Variants in RIMS2 observed in about 807,000 individuals in gnomAD.
RIMS2 encodes the protein regulating synaptic membrane exocytosis 2.
In RIMS2, 59 loss-of-function variants were observed where a neutral mutation model predicts 174.4. The ratio of observed to expected loss-of-function variants is 0.34; its 90% CI spans 0.27 to 0.42. The LOEUF is 0.42. Among genes scored for constraint, RIMS2 ranks in the 10% least tolerant of loss-of-function variants. The probability of loss-of-function intolerance (pLI) is 1.00; values close to 1 mark genes in which losing one functional copy is unlikely to be tolerated. For missense variants in RIMS2, 1,620 were observed against 1,666.3 expected (o/e 0.97, Z 0.48); for synonymous variants, 606 against 572.5 (o/e 1.06, Z -0.84).
At chr8:103,620,415 G>A (rs114171419) in intron 1 of RIMS2, among the ~76,000 whole-genome samples, 4,558 of 150,808 alleles carry the variant, frequency 0.03, 74 homozygotes, top group African/African-American at 0.047. Context: ...AATGTTGACC[G>A]CATCATTTAA....
At position 103,972,548 on chromosome 8, in the gene RIMS2, G is replaced by A. The variant is rs116679809; in HGVS notation, c.2771-2802G>A. 8.8e-3 allele frequency among the ~76,000 whole-genome samples: 1,342 copies of A among 152,198 alleles called. 22 individuals carry two copies. Among genetic ancestry groups the A allele is most frequent in the African/African-American group, 0.03 (1,231 of 41,524 alleles). Reference sequence around the variant, plus strand: ...ACAATGTTTGCAATAATTTACAAGCGTCTACATAATCTTCCCCCTTCCCTC... The same window carrying A: ...ACAATGTTTGCAATAATTTACAAGCATCTACATAATCTTCCCCCTTCCCTC... On this transcript the variant is annotated intron_variant, in intron 15 of 23. Transcript: ENST00000504942.
At chr8:103,894,315 T>C (rs1468023182) in intron 4 of RIMS2, among the ~76,000 whole-genome samples, 1 of 151,638 alleles carries the variant, frequency 6.6e-6, no homozygotes, top group African/African-American at 2.4e-5. Context: ...AGAAATATCT[T>C]CTAAGGTCAA....
intron 14 of RIMS2, among the ~76,000 whole-genome samples, chr8:103,956,172 T>G (rs1476396609): frequency 6.6e-6 from 1 of 152,178 alleles, no homozygotes; most frequent in Non-Finnish European, 1.5e-5. Context: ...ATGGCCATAC[T>G]GCCCAAAGTA....
At chr8:103,558,498 A>G (rs2090946683) in intron 1 of RIMS2, among the ~76,000 whole-genome samples, 1 of 152,214 alleles carries the variant, frequency 6.6e-6, no homozygotes, top group Non-Finnish European at 1.5e-5. Context: ...TATTGGGATT[A>G]TAGGCATGAG....
intron 19 of RIMS2, among the ~76,000 whole-genome samples, chr8:104,026,187 A>G (rs1455638478): frequency 1.3e-5 from 2 of 152,220 alleles, no homozygotes; most frequent in African/African-American, 2.4e-5. Flanking sequence ...GGATTGCAGT[A>G]TAAGTTATTT....
chr8:103,926,130 T>A (rs2078727560), intron 10 of RIMS2, among the ~76,000 whole-genome samples: 1 of 151,560 alleles, frequency 6.6e-6, no homozygotes, highest in South Asian at 2.1e-4. Context: ...TTAAAGTGAA[T>A]CTTTTATTTT....
In RIMS2 at chr8:103,870,657, G is replaced by GA. The variant is rs528740309; in HGVS notation, c.699-14631dup. Among the ~76,000 whole-genome samples the GA allele has an allele frequency of 1.6e-3, 231 of 144,928 alleles. 2 individuals carry two copies. The highest frequency in any genetic ancestry group is 4.1e-3 in the African/African-American group (162 of 39,706). ...AAATCTTACTCATTTTGCCCCTCAA[G>GA]AAAAAAAAAACATAGTTAATGTTTA... On this transcript the variant is annotated intron_variant, in intron 3 of 23. Transcript: ENST00000504942.
chr8:103,774,740 A>T (rs532331534), intron 3 of RIMS2, among the ~76,000 whole-genome samples: 1 of 152,324 alleles, frequency 6.6e-6, no homozygotes, highest in Non-Finnish European at 1.5e-5. Flanking sequence ...ATCTATAGAA[A>T]AGAAATCATA....
At chr8:104,016,703 A>G (rs565242063) in intron 19 of RIMS2, among the ~76,000 whole-genome samples, 5 of 152,256 alleles carry the variant, frequency 3.3e-5, no homozygotes, top group African/African-American at 1.2e-4. Flanking sequence ...TGGCATTTAA[A>G]GTCAGAAACT....
intron 2 of RIMS2, among the ~76,000 whole-genome samples, chr8:103,712,975 G>A (rs1223892178): frequency 6.6e-6 from 1 of 151,740 alleles, no homozygotes; most frequent in Non-Finnish European, 1.5e-5. Flanking sequence ...CCATTAAATA[G>A]GACATTGGAT....
intron 1 of RIMS2, among the ~76,000 whole-genome samples, chr8:103,613,431 G>C (rs13250282): frequency 0.38 from 57,227 of 151,856 alleles, 11,122 homozygotes; most frequent in African/African-American, 0.4. Context: ...TTCCATGTGT[G>C]AGACTCACCC....
intron 19 of RIMS2, among the ~76,000 whole-genome samples, chr8:104,136,066 T>A (rs1442106774): frequency 6.6e-6 from 1 of 152,216 alleles, no homozygotes; most frequent in African/African-American, 2.4e-5. Flanking sequence ...AGTTTTCTAA[T>A]TAAATTCAGT....
intron 19 of RIMS2, among the ~76,000 whole-genome samples, chr8:104,105,466 G>A (rs990716356): frequency 1.3e-5 from 2 of 151,950 alleles, no homozygotes; most frequent in Non-Finnish European, 2.9e-5. Flanking sequence ...ACTTGCTATT[G>A]GTGTCACCAC....
chr8:104,174,225 G>A (rs1349191348), intron 19 of RIMS2, among the ~76,000 whole-genome samples: 2 of 152,224 alleles, frequency 1.3e-5, no homozygotes, highest in African/African-American at 2.4e-5. Flanking sequence ...GGGATTACAG[G>A]CGTGAGCCGC....
At chr8:104,084,211 C>T (rs2097488054) in intron 19 of RIMS2, among the ~76,000 whole-genome samples, 1 of 151,800 alleles carries the variant, frequency 6.6e-6, no homozygotes, top group Non-Finnish European at 1.5e-5. Context: ...GAGGCCGAGG[C>T]GGGTGGATCA....
At chr8:103,578,029 T>C (rs2093366141) in intron 1 of RIMS2, among the ~76,000 whole-genome samples, 1 of 152,152 alleles carries the variant, frequency 6.6e-6, no homozygotes, top group Non-Finnish European at 1.5e-5. Context: ...CAGAGGGAAT[T>C]GAGCAAGAAC....
At chr8:103,753,433 G>A (rs532981395) in intron 2 of RIMS2, among the ~76,000 whole-genome samples, 2 of 152,132 alleles carry the variant, frequency 1.3e-5, no homozygotes, top group Non-Finnish European at 2.9e-5. Context: ...TTGGTATCAG[G>A]ATGATGCTGG....
chr8:103,515,433 A>G (rs1415521155), intron 1 of RIMS2, among the ~76,000 whole-genome samples: 2 of 152,186 alleles, frequency 1.3e-5, no homozygotes, highest in Admixed American at 6.5e-5. Context: ...CTGTACAGTG[A>G]GAATCACTTA....
At chr8:103,799,445 T>A (rs953773262) in intron 3 of RIMS2, among the ~76,000 whole-genome samples, 8 of 152,204 alleles carry the variant, frequency 5.3e-5, no homozygotes, top group African/African-American at 1.9e-4. Context: ...TGTACATGTC[T>A]CCTTATGGAC....
Sources: allele counts gnomAD v4.1 joint callset (sites outside exome capture counted in the v4.1 genomes callset), GRCh38; gene constraint gnomAD v4.1.1; transcripts MANE v1.5; gene names NCBI Gene and HGNC (gene_info 2026-07-23, HGNC 2026-07-21).